The following RAB14 variants were observed in gnomAD, a reference collection of about 807,000 sequenced individuals.
The protein encoded by RAB14 is RAB14, member RAS oncogene family, also known as ras-related protein Rab-14.
RAB14 carries 3 observed loss-of-function variants against 31.1 expected under a neutral mutation model. The ratio of observed to expected loss-of-function variants is 0.10; its 90% CI spans 0.04 to 0.25. The LOEUF (loss-of-function observed/expected upper bound fraction) is 0.25, where lower values mean the gene tolerates loss of function less well. RAB14 is among the 10% of genes least tolerant of loss of function. The pLI, the probability that RAB14 is intolerant of heterozygous loss-of-function variation, is 1.00. For synonymous variants in RAB14, 85 were observed against 84.9 expected, an observed-to-expected ratio of 1.00 and a Z score of 0.00; for missense variants, 111 against 260.1, an observed-to-expected ratio of 0.43 and a Z score of 3.94.
chr9:121,192,459 A>G (rs1017339800), intron 2 of RAB14, among the ~76,000 whole-genome samples: 1 of 152,064 alleles, frequency 6.6e-6, no homozygotes, highest in Non-Finnish European at 1.5e-5. Context: ...ATAAATAGCC[A>G]CCAGCTGGGA....
chr9:121,199,146 A>T (rs1038868414), intron 1 of RAB14, among the ~76,000 whole-genome samples: 1 of 152,208 alleles, frequency 6.6e-6, no homozygotes, highest in Non-Finnish European at 1.5e-5. Flanking sequence ...CCCTGCACTT[A>T]CTGCTCAAGT....
intron 1 of RAB14, among the ~76,000 whole-genome samples, chr9:121,194,541 T>C (rs372555710): frequency 2.6e-5 from 4 of 152,176 alleles, no homozygotes; most frequent in African/African-American, 9.7e-5. Context: ...GGTAATAACT[T>C]TCAATAAAGT....
intron 5 of RAB14, among the ~76,000 whole-genome samples, chr9:121,186,566 A>C (rs908960159): frequency 1.3e-5 from 2 of 152,166 alleles, no homozygotes; most frequent in African/African-American, 4.8e-5. Context: ...GAGGTAACGC[A>C]GATTCACATG....
rs1398246402 is a variant in RAB14, at chr9:121,179,311, G to A, written c.*2085C>T. Reference sequence around the variant, plus strand: ...CCAATTTTAATTTAATCTAGATACAGGTACTTTATTTACAAATATTTAGAT... The same window carrying A: ...CCAATTTTAATTTAATCTAGATACAAGTACTTTATTTACAAATATTTAGAT... On this transcript the variant is annotated 3_prime_UTR_variant, in exon 8 of 8. Transcript: ENST00000373840. 6.6e-6 allele frequency: 1 copy of A among 152,554 alleles called. No homozygotes were observed. The highest frequency in any genetic ancestry group is 1.9e-4 in the East Asian group (1 of 5,198). The allele number at this position is 152,554 out of a possible 1,614,324, so 9.5% of individuals were successfully genotyped here.
rs2053629311 is a variant in RAB14, at chr9:121,180,914, A to G, written c.*482T>C. 1 of 152,830 alleles carries G rather than the reference A, an allele frequency of 6.5e-6. No homozygotes were observed. The highest frequency in any genetic ancestry group is 1.5e-5 in the Non-Finnish European group (1 of 68,162). The allele number at this position is 152,830 out of a possible 1,614,324, so 9.5% of individuals were successfully genotyped here. A position where few individuals can be genotyped will look rare whatever the true frequency, so the allele number is the denominator to read the frequency against. On this transcript the variant is annotated 3_prime_UTR_variant, in exon 8 of 8. Transcript: ENST00000373840. Reference sequence around the variant, plus strand: ...ACACAACAGGAAATTTATCCAAAACAAAACAAAAGCAGTTATAGAACCCCT... The same window carrying G: ...ACACAACAGGAAATTTATCCAAAACGAAACAAAAGCAGTTATAGAACCCCT...
chr9:121,196,319 G>A (rs1301039221), intron 1 of RAB14, among the ~76,000 whole-genome samples: 3 of 151,906 alleles, frequency 2.0e-5, no homozygotes, highest in Non-Finnish European at 2.9e-5. Flanking sequence ...TGCCTTTAAA[G>A]GAAAAAAAGT....
At chr9:121,193,450 A>G (rs1205851533) in intron 1 of RAB14, 31 bp from the exon 2 acceptor site, 2 of 1,453,828 alleles carry the variant, frequency 1.4e-6, no homozygotes, top group Non-Finnish European at 1.9e-6. Flanking sequence ...GTTACTTCAG[A>G]AGGAAAGCAT....
intron 5 of RAB14, among the ~76,000 whole-genome samples, chr9:121,183,599 G>A (rs533481445): frequency 6.6e-6 from 1 of 152,292 alleles, no homozygotes; most frequent in Admixed American, 6.5e-5. Flanking sequence ...ATCTAGGTCA[G>A]GGGTTGACAA....
intron 4 of RAB14, among the ~76,000 whole-genome samples, chr9:121,189,502 C>T (rs2053675443): frequency 6.6e-6 from 1 of 152,096 alleles, no homozygotes; most frequent in African/African-American, 2.4e-5. Flanking sequence ...GCTTGTTTCC[C>T]TTTGAGGCCA....
At chr9:121,196,369 C>G (rs2053717025) in intron 1 of RAB14, among the ~76,000 whole-genome samples, 1 of 152,274 alleles carries the variant, frequency 6.6e-6, no homozygotes, top group South Asian at 2.1e-4. Flanking sequence ...ACATAATCAA[C>G]AATTTGCAAA....
intron 5 of RAB14, among the ~76,000 whole-genome samples, chr9:121,185,503 T>C (rs2053654080): frequency 6.6e-6 from 1 of 152,122 alleles, no homozygotes. Flanking sequence ...AGAACTGTTC[T>C]ATCACTACAA....
chr9:121,190,182 A>G (rs1429123643), intron 4 of RAB14, among the ~76,000 whole-genome samples: 1 of 152,128 alleles, frequency 6.6e-6, no homozygotes, highest in Non-Finnish European at 1.5e-5. Flanking sequence ...TGAGAGGTGT[A>G]AACTTTAACA....
chr9:121,192,694 G>T (rs2053693663), intron 2 of RAB14, among the ~76,000 whole-genome samples: 1 of 152,122 alleles, frequency 6.6e-6, no homozygotes, highest in South Asian at 2.1e-4. Context: ...TGAAAGAAAA[G>T]AATTTGCATT....
chr9:121,197,283 G>C (rs1419543147), intron 1 of RAB14, among the ~76,000 whole-genome samples: 1 of 151,950 alleles, frequency 6.6e-6, no homozygotes, highest in African/African-American at 2.4e-5. Flanking sequence ...CTTTAATAAA[G>C]GATTTCTCAA....
Position 121,187,081 on chromosome 9 carries a change from T to C in RAB14, c.285-62A>G. 4.1e-6 allele frequency: 4 copies of C among 969,688 alleles called. No homozygotes were observed. The South Asian group carries it at 7.2e-5, about 18-fold the overall frequency. 60.1% of individuals were successfully genotyped at this position (969,688 alleles called of 1,614,324 possible). ...TAATTATAGAAAAAAAACTTAAATA[T>C]TTAAAATACATATTTAATCAACATA... On this transcript the variant is annotated intron_variant, in intron 4 of 7. Coordinates refer to ENST00000373840, the MANE Select transcript of RAB14 (RefSeq NM_016322.4).
At chr9:121,201,130 G>C (rs1381944023) in intron 1 of RAB14, among the ~76,000 whole-genome samples, 1 of 152,098 alleles carries the variant, frequency 6.6e-6, no homozygotes, top group Non-Finnish European at 1.5e-5. Flanking sequence ...GCTGCCCCGA[G>C]ACGCCAAGAG....
chr9:121,179,685 C>T lies in RAB14; in HGVS notation c.*1711G>A, dbSNP rs963962610. On this transcript the variant is annotated 3_prime_UTR_variant, in exon 8 of 8. Transcript: ENST00000373840. Reference sequence around the variant, plus strand: ...ACAAAGACAAAAATAAAAATGAATCCACAAATTAACCAAAGCCTACTTTCT... The same window carrying T: ...ACAAAGACAAAAATAAAAATGAATCTACAAATTAACCAAAGCCTACTTTCT... The T allele has an allele frequency of 2.6e-5, 4 of 152,552 alleles. No homozygotes were observed. Among genetic ancestry groups the T allele is most frequent in the South Asian group, 2.1e-4 (1 of 4,828 alleles). The allele number at this position is 152,552 out of a possible 1,614,324, so 9.4% of individuals were successfully genotyped here.
intron 1 of RAB14, among the ~76,000 whole-genome samples, chr9:121,199,560 T>C (rs569268831): frequency 6.6e-6 from 1 of 152,346 alleles, no homozygotes; most frequent in African/African-American, 2.4e-5. Context: ...TGCAAAGATA[T>C]TTGATATTGA....
At chr9:121,201,216 G>A (rs896541111) in intron 1 of RAB14, among the ~76,000 whole-genome samples, 22 of 152,220 alleles carry the variant, frequency 1.4e-4, no homozygotes, top group Non-Finnish European at 2.5e-4. Flanking sequence ...GGGGCTTGCG[G>A]GCTGCAGGGC....
Sources: allele counts gnomAD v4.1 joint callset (sites outside exome capture counted in the v4.1 genomes callset), GRCh38; gene constraint gnomAD v4.1.1; transcripts MANE v1.5; gene names NCBI Gene and HGNC (gene_info 2026-07-23, HGNC 2026-07-21).